TAS2R1: variants seen among roughly 807,000 people sequenced by gnomAD.
TAS2R1 encodes the protein taste 2 receptor member 1.
For synonymous variants in TAS2R1, 141 were observed against 134.2 expected, an observed-to-expected ratio of 1.05 and a Z score of -0.35; for missense variants, 370 against 353.4, an observed-to-expected ratio of 1.05 and a Z score of -0.38.
chr5:9,851,518 GTT>G, the TAS2R1 span, among the ~76,000 whole-genome samples: 1,624 of 139,410 alleles, frequency 0.012, 19 homozygotes, highest in African/African-American at 0.022. Flanking sequence ...GCTGGGATTT[GTT>G]TTTTTTTTTT....
chr5:9,836,276 C>A, the TAS2R1 span, among the ~76,000 whole-genome samples: 1 of 152,032 alleles, frequency 6.6e-6, no homozygotes, highest in Admixed American at 6.6e-5. Context: ...TTACCAGCAG[C>A]ATGAAAATGG....
At chr5:9,747,717 C>G in the TAS2R1 span, among the ~76,000 whole-genome samples, 1 of 151,966 alleles carries the variant, frequency 6.6e-6, no homozygotes, top group South Asian at 2.1e-4. Flanking sequence ...TATAACAGAG[C>G]ACCAGGGGAG....
intron 1 of TAS2R1, among the ~76,000 whole-genome samples, chr5:9,697,423 C>G (rs965935419): frequency 6.6e-6 from 1 of 151,738 alleles, no homozygotes; most frequent in African/African-American, 2.4e-5. Flanking sequence ...CCAAGTTACC[C>G]AGTTCATTTT....
the TAS2R1 span, among the ~76,000 whole-genome samples, chr5:9,781,734 C>T: frequency 2.0e-5 from 3 of 152,210 alleles, no homozygotes; most frequent in Non-Finnish European, 2.9e-5. Context: ...TCTGCTTCTC[C>T]CAGATGCCCA....
chr5:9,729,870 T>C, the TAS2R1 span, among the ~76,000 whole-genome samples: 1 of 152,214 alleles, frequency 6.6e-6, no homozygotes, highest in Non-Finnish European at 1.5e-5. Flanking sequence ...CATTAAGCTT[T>C]CTTCCTGTTT....
At chr5:9,708,819 G>A (rs1041314732) in intron 1 of TAS2R1, among the ~76,000 whole-genome samples, 1 of 152,096 alleles carries the variant, frequency 6.6e-6, no homozygotes, top group African/African-American at 2.4e-5. Flanking sequence ...GTAACAAAAA[G>A]TTCTAGGGTT....
chr5:9,795,532 A>G, the TAS2R1 span, among the ~76,000 whole-genome samples: 2 of 152,124 alleles, frequency 1.3e-5, no homozygotes, highest in Non-Finnish European at 2.9e-5. Flanking sequence ...AGGAGTCAGG[A>G]TGCCATTGGA....
At chr5:9,794,224 G>A in the TAS2R1 span, among the ~76,000 whole-genome samples, 1 of 152,130 alleles carries the variant, frequency 6.6e-6, no homozygotes, top group African/African-American at 2.4e-5. Context: ...TAGACTTGTG[G>A]TTTGAATTTG....
the TAS2R1 span, among the ~76,000 whole-genome samples, chr5:9,718,954 A>G: frequency 1.3e-5 from 2 of 152,246 alleles, no homozygotes; most frequent in African/African-American, 2.4e-5. Context: ...AAGAGTCATG[A>G]CAACTAAATG....
the TAS2R1 span, among the ~76,000 whole-genome samples, chr5:9,747,196 A>C: frequency 6.6e-6 from 1 of 152,224 alleles, no homozygotes; most frequent in African/African-American, 2.4e-5. Context: ...TGGAGTTTGC[A>C]ATATGGATAT....
the TAS2R1 span, among the ~76,000 whole-genome samples, chr5:9,764,217 ACTT>A: frequency 6.6e-6 from 1 of 152,320 alleles, no homozygotes; most frequent in South Asian, 2.1e-4. Flanking sequence ...AGGTTATATC[ACTT>A]CTTCATCTGA....
At chr5:9,778,554 G>A in the TAS2R1 span, among the ~76,000 whole-genome samples, 4 of 152,188 alleles carry the variant, frequency 2.6e-5, no homozygotes, top group South Asian at 2.1e-4. Context: ...ATTGACAATC[G>A]ATTATTTAGT....
chr5:9,629,567 G>GGAA lies in TAS2R1; in HGVS notation c.463_465dup (p.Phe155dup), dbSNP rs1561363733. 1 of 1,614,024 alleles carries GGAA rather than the reference G, an allele frequency of 6.2e-7. No individual in the cohort carries two copies. On this transcript the variant is annotated inframe_insertion, in exon 1 of 1. Transcript: ENST00000382492. ...GCATTTTGGGAGAAAAATTTCCTTA[G>GGAA]GAAGTATGGGACCATAAACCCTGCA...
Position 9,692,633 on chromosome 5 carries a change from T to C in TAS2R1, c.-242+19539A>G, listed in dbSNP as rs150655890. On this transcript the variant is annotated intron_variant, in intron 1 of 2. Transcript: ENST00000506620. ...CACTTGCTTTGCAGTAGAACTACTG[T>C]GAATGATGTTCATCCTAATATAGGG... 2.4e-4 allele frequency among the ~76,000 whole-genome samples: 37 copies of C among 152,328 alleles called. No homozygotes were observed. The East Asian group carries it at 6.9e-3, about 29-fold the overall frequency.
At chr5:9,674,892 T>C (rs1740841707) in intron 1 of TAS2R1, among the ~76,000 whole-genome samples, 1 of 151,956 alleles carries the variant, frequency 6.6e-6, no homozygotes, top group South Asian at 2.1e-4. Context: ...TAAGGGTATA[T>C]GGGCTGGAAA....
intron 1 of TAS2R1, among the ~76,000 whole-genome samples, chr5:9,669,500 C>A (rs1291443697): frequency 6.6e-6 from 1 of 152,054 alleles, no homozygotes; most frequent in Non-Finnish European, 1.5e-5. Context: ...TAAAATCAAC[C>A]ACACAATGGC....
At chr5:9,693,223 T>G (rs1365490367) in intron 1 of TAS2R1, among the ~76,000 whole-genome samples, 1 of 152,128 alleles carries the variant, frequency 6.6e-6, no homozygotes, top group Non-Finnish European at 1.5e-5. Context: ...AAATTTGGTC[T>G]CTTGGCCAGG....
At chr5:9,807,449 A>G in the TAS2R1 span, among the ~76,000 whole-genome samples, 2 of 152,210 alleles carry the variant, frequency 1.3e-5, no homozygotes, top group South Asian at 4.1e-4. Context: ...ATACTTGCAC[A>G]TGCCTGTTTA....
At chr5:9,831,951 C>T in the TAS2R1 span, among the ~76,000 whole-genome samples, 6 of 152,144 alleles carry the variant, frequency 3.9e-5, no homozygotes, top group East Asian at 7.7e-4. Context: ...CTGACAATTT[C>T]GCAATGGAAA....
Sources: gnomAD v4.1 joint callset for allele counts (sites outside exome capture counted in the v4.1 genomes callset) on GRCh38, gnomAD v4.1.1 for gene constraint, MANE v1.5 for transcripts, NCBI Gene and HGNC (gene_info 2026-07-23, HGNC 2026-07-21) for gene names.